The following MCFD2 variants were observed in gnomAD, a reference collection of about 807,000 sequenced individuals.
The protein encoded by MCFD2 is multiple coagulation factor deficiency protein 2.
Under a neutral mutation model 12.8 loss-of-function variants are expected in MCFD2, and 11 were observed. The observed-to-expected ratio is 0.86, with a 90% CI of 0.54 to 1.42. The LOEUF (loss-of-function observed/expected upper bound fraction) is 1.42, where lower values mean the gene tolerates loss of function less well. Among genes scored for constraint, MCFD2 ranks in the 40% most tolerant of loss-of-function variants. The pLI is 0.00. For missense variants in MCFD2, 191 were observed against 178.6 expected (o/e 1.07, Z -0.40); for synonymous variants, 70 against 68.1 (o/e 1.03, Z -0.14).
Position 46,925,307 on chromosome 2 carries a change from C to G in MCFD2, c.-8+16265G>C, listed in dbSNP as rs558949613. On this transcript the variant is annotated intron_variant, in intron 1 of 2. Coordinates refer to the MCFD2 transcript ENST00000409147. ...GTGCAGTGGCTCATGCCTATAATCC[C>G]AGCACTTTGGGAGGCTAAGGTGGGC... Among the ~76,000 whole-genome samples, 14 of 152,212 alleles carry G rather than the reference C, an allele frequency of 9.2e-5. 1 individual carries two copies. The East Asian group carries it at 2.7e-3, about 29-fold the overall frequency.
At chr2:46,931,095 T>G (rs1235806209) in intron 1 of MCFD2, among the ~76,000 whole-genome samples, 1 of 152,204 alleles carries the variant, frequency 6.6e-6, no homozygotes, top group Non-Finnish European at 1.5e-5. Flanking sequence ...ATCAATGTGA[T>G]AGACAGAATA....
chr2:46,916,008 C>G (rs538061788), upstream of MCFD2: 1 of 985,350 alleles, frequency 1.0e-6, no homozygotes, highest in Admixed American at 6.1e-5. Context: ...ACACTCGGCT[C>G]CACTCCAGTT....
At position 46,909,080 on chromosome 2, in the gene MCFD2, G is replaced by A; in HGVS notation, c.92C>T (p.Ala31Val). 1.2e-6 allele frequency: 2 copies of A among 1,614,256 alleles called. No individual in the cohort carries two copies. The highest frequency in any genetic ancestry group is 1.7e-6 in the Non-Finnish European group (2 of 1,180,038). Residue 31 changes from alanine to valine, a missense_variant, in exon 2 of 4, where the codon GCC becomes GTC. Physicochemically the swap from Ala to Val is moderately conservative, Grantham distance 64. Transcript: ENST00000319466. ...APGARAEEPA[A>V]SFSQPGSMGL... ...CATGCTGCCGGGTTGGGAGAAGCTG[G>A]CTGCAGGCTCCTCAGCCCTGGCGCC...
Position 46,907,672 on chromosome 2 carries a change from C to T in MCFD2, c.309+138G>A, listed in dbSNP as rs1668300191. The T allele has an allele frequency of 1.1e-6, 1 of 948,958 alleles. No homozygotes were observed. The highest frequency in any genetic ancestry group is 1.6e-5 in the African/African-American group (1 of 62,122). 58.8% of individuals were successfully genotyped at this position (948,958 alleles called of 1,614,324 possible). On this transcript the variant is annotated intron_variant, in intron 3 of 3. Coordinates refer to ENST00000319466, the MANE Select transcript of MCFD2 (RefSeq NM_139279.6). The surrounding 1 kb of genome is among the most constrained non-coding windows in gnomAD (Gnocchi z 4.1). The stretch of plus-strand genomic sequence containing the variant: ...TTGGCCTCCCAAAGTGCTGGGATTA[C>T]AGATGCGAGCCATCATGCCCAGTGG...
At chr2:46,917,172 C>CT (rs905731156), upstream of MCFD2, 22 of 696,512 alleles carry the variant, frequency 3.2e-5, no homozygotes, top group Middle Eastern at 5.4e-4. Context: ...ATTTTTTTTT[C>CT]TTTTTTTAAA....
At chr2:46,935,153 C>T (rs985190843) in intron 1 of MCFD2, among the ~76,000 whole-genome samples, 5 of 152,012 alleles carry the variant, frequency 3.3e-5, no homozygotes, top group Non-Finnish European at 5.9e-5. Context: ...CCCTGAGAAG[C>T]GTTGGTCACT....
At chr2:46,938,640 A>C (rs1670097515) in intron 1 of MCFD2, among the ~76,000 whole-genome samples, 1 of 152,126 alleles carries the variant, frequency 6.6e-6, no homozygotes, top group Admixed American at 6.5e-5. Context: ...TGGTGTGTAA[A>C]TCAAGCATTA....
At chr2:46,919,856 C>A (rs986574467), upstream of MCFD2, among the ~76,000 whole-genome samples, 23 of 152,268 alleles carry the variant, frequency 1.5e-4, no homozygotes, top group African/African-American at 5.1e-4. Context: ...CTTGCTCTAT[C>A]ACCCTTGCAT....
In MCFD2 at chr2:46,909,141, AG is replaced by A. The variant is rs1668377701; in HGVS notation, c.30del (p.Phe11SerfsTer46). ...AAGGCCCAGAGCAGGCCACACAGGA[AG>A]GGGGTTCTGAGCAGGGATCTCATGG... is the stretch of plus-strand genomic sequence containing the variant. MTMRSLLRT[P>X]FLCGLLWAFC... On this transcript the variant is annotated frameshift_variant, in exon 2 of 4. Coordinates refer to ENST00000319466, the MANE Select transcript of MCFD2 (RefSeq NM_139279.6). LOFTEE classifies it high-confidence loss of function. 1 of 1,614,054 alleles carries A rather than the reference AG, an allele frequency of 6.2e-7. No homozygotes were observed. The highest frequency in any genetic ancestry group is 1.3e-5 in the African/African-American group (1 of 74,932).
chr2:46,937,680 C>T lies in MCFD2; in HGVS notation c.-8+3892G>A, dbSNP rs564776235. Among the ~76,000 whole-genome samples the T allele has an allele frequency of 4.6e-4, 70 of 152,290 alleles. No individual in the cohort carries two copies. The highest frequency in any genetic ancestry group is 1.5e-3 in the African/African-American group (64 of 41,554). ...CTTGAATTCCTGGACTCAAGTGATT[C>T]TCCCACCTCCTTCTCCCAAAGTGTT... On this transcript the variant is annotated intron_variant, in intron 1 of 2. Transcript: ENST00000409147. This position sits in a 1 kb window ranked among gnomAD's most constrained non-coding sequence, Gnocchi z 4.0.
chr2:46,917,266 G>T (rs1321173994), upstream of MCFD2: 5 of 687,930 alleles, frequency 7.3e-6, no homozygotes, highest in Non-Finnish European at 1.3e-5. Context: ...CCAAAGTGCT[G>T]GGATTACAGG....
rs766556373 is a variant in MCFD2 at position 46,941,844 on chromosome 2, A to G, written c.-280T>C. 27 of 1,306,836 alleles carry G rather than the reference A, an allele frequency of 2.1e-5. No homozygotes were observed. Among genetic ancestry groups the G allele is most frequent in the Non-Finnish European group, 2.7e-5 (26 of 945,940 alleles). 81.0% of individuals were successfully genotyped at this position (1,306,836 alleles called of 1,614,324 possible). A position where few individuals can be genotyped will look rare whatever the true frequency, so the allele number is the denominator to read the frequency against. On this transcript the variant is annotated 5_prime_UTR_variant, in exon 1 of 3. Transcript: ENST00000409147. This position sits in a 1 kb window ranked among gnomAD's most constrained non-coding sequence, Gnocchi z 4.2. The stretch of plus-strand genomic sequence containing the variant: ...CGGGCGCCTGCCAGCCCACCGTGCT[A>G]GTCTTAAGAGCAGCCAGGGCAGTTA...
At position 46,940,280 on chromosome 2, in the gene MCFD2, C is replaced by T. The variant is rs71423930; in HGVS notation, c.-8+1292G>A. Among the ~76,000 whole-genome samples the T allele has an allele frequency of 0.041, 6,273 of 152,290 alleles. 162 individuals carry two copies. Among genetic ancestry groups the T allele is most frequent in the Middle Eastern group, 0.082 (24 of 292 alleles). On this transcript the variant is annotated intron_variant, in intron 1 of 2. Coordinates refer to the MCFD2 transcript ENST00000409147. The surrounding 1 kb of genome is among the most constrained non-coding windows in gnomAD (Gnocchi z 4.7). Reference sequence around the variant, plus strand: ...GTCTGCTCAAAAGTTTGCCCTGACCCTGCTGTCTTTTGAGTCTTCAGTCTG... The same window carrying T: ...GTCTGCTCAAAAGTTTGCCCTGACCTTGCTGTCTTTTGAGTCTTCAGTCTG...
intron 1 of MCFD2, among the ~76,000 whole-genome samples, chr2:46,924,537 GAATAT>G (rs1476154795): frequency 4.0e-5 from 6 of 151,708 alleles, no homozygotes; most frequent in African/African-American, 1.2e-4. Context: ...GTTTTGAATA[GAATAT>G]GAGAAGAAAA....
At chr2:46,915,817 CCCCCCCCCCCGA>C (rs956598525), upstream of MCFD2, 3 of 42,832 alleles carry the variant, frequency 7.0e-5, no homozygotes, top group African/African-American at 5.0e-4. Flanking sequence ...CCCCGCCCCC[CCCCCCCCCCCGA>C]CCTGCCCTGC....
chr2:46,941,693 G>A lies in MCFD2; in HGVS notation c.-129C>T. 2.6e-6 allele frequency: 4 copies of A among 1,550,700 alleles called. No individual in the cohort carries two copies. The highest frequency in any genetic ancestry group is 3.5e-6 in the Non-Finnish European group (4 of 1,147,474). The stretch of plus-strand genomic sequence containing the variant: ...GGCGGCGGAGGTAACAGGCGAGGCA[G>A]CCCGAGCGCAGCGTTCACCTTTCCG... On this transcript the variant is annotated 5_prime_UTR_variant, in exon 1 of 3. Transcript: ENST00000409147. The surrounding 1 kb of genome is among the most constrained non-coding windows in gnomAD (Gnocchi z 4.2).
chr2:46,934,295 G>A (rs1026606961), intron 1 of MCFD2, among the ~76,000 whole-genome samples: 1 of 152,202 alleles, frequency 6.6e-6, no homozygotes, highest in African/African-American at 2.4e-5. Context: ...GTCTTGCTCT[G>A]TTGCTCAGGC....
chr2:46,912,619 T>C (rs1363252150), intron 1 of MCFD2: 1 of 152,250 alleles, frequency 6.6e-6, no homozygotes, highest in Non-Finnish European at 1.5e-5. Flanking sequence ...GGCTCCCAAG[T>C]GCTTCCCTTC....
intron 1 of MCFD2, among the ~76,000 whole-genome samples, chr2:46,926,401 A>T (rs1669385393): frequency 6.6e-6 from 1 of 152,172 alleles, no homozygotes; most frequent in South Asian, 2.1e-4. Context: ...TAAATGGTAA[A>T]TGCTTGTTAG....
Sources: allele counts gnomAD v4.1 joint callset (sites outside exome capture counted in the v4.1 genomes callset), GRCh38; gene constraint gnomAD v4.1.1; non-coding constraint Gnocchi (gnomAD v3.1); transcripts MANE v1.5; gene names NCBI Gene and HGNC (gene_info 2026-07-23, HGNC 2026-07-21).